GNAQ: variants seen among roughly 807,000 people sequenced by gnomAD.
GNAQ encodes the protein G protein subunit alpha q.
GNAQ carries 8 observed loss-of-function variants against 43.9 expected under a neutral mutation model. The ratio of observed to expected loss-of-function variants is 0.18; its 90% confidence interval spans 0.11 to 0.33. GNAQ has a LOEUF of 0.33. Ranked by LOEUF, GNAQ falls within the 10% of genes least tolerant of loss-of-function variation. The probability of loss-of-function intolerance (pLI) is 1.00; values close to 1 mark genes in which losing one functional copy is unlikely to be tolerated. For missense variants in GNAQ, 158 were observed against 450.8 expected, an observed-to-expected ratio of 0.35 and a Z score of 5.88; for synonymous variants, 155 against 170.7, an observed-to-expected ratio of 0.91 and a Z score of 0.71.
chr9:77,863,934 G>A (rs981110910), intron 2 of GNAQ, among the ~76,000 whole-genome samples: 7 of 152,140 alleles, frequency 4.6e-5, no homozygotes, highest in Non-Finnish European at 1.0e-4. Context: ...CCCACAACAC[G>A]TAGGAATTCA....
chr9:77,722,203 C>T (rs2118193824), intron 6 of GNAQ, among the ~76,000 whole-genome samples: 1 of 151,022 alleles, frequency 6.6e-6, no homozygotes, highest in East Asian at 1.9e-4. Flanking sequence ...GTGATAAGAT[C>T]TCAGCTCACT....
intron 1 of GNAQ, among the ~76,000 whole-genome samples, chr9:78,010,049 T>C (rs570594111): frequency 1.3e-5 from 2 of 152,322 alleles, no homozygotes; most frequent in African/African-American, 4.8e-5. Flanking sequence ...CAAAGATTTC[T>C]AGAGTCACAC....
intron 1 of GNAQ, among the ~76,000 whole-genome samples, chr9:78,004,688 A>T (rs1823684257): frequency 6.6e-6 from 1 of 152,034 alleles, no homozygotes; most frequent in African/African-American, 2.4e-5. Context: ...ACATAAACAA[A>T]CATAAAACGT....
At chr9:77,991,938 T>C (rs1168948239) in intron 1 of GNAQ, among the ~76,000 whole-genome samples, 3 of 152,246 alleles carry the variant, frequency 2.0e-5, no homozygotes, top group Non-Finnish European at 4.4e-5. Context: ...ATGGTGTATA[T>C]ATGCCACATT....
chr9:77,999,620 G>A (rs939980469), intron 1 of GNAQ, among the ~76,000 whole-genome samples: 1 of 152,232 alleles, frequency 6.6e-6, no homozygotes, highest in African/African-American at 2.4e-5. Context: ...ACAAGGGAAA[G>A]ATTCAAGCAA....
chr9:77,932,854 G>C (rs1025200375), intron 1 of GNAQ, among the ~76,000 whole-genome samples: 1 of 151,968 alleles, frequency 6.6e-6, no homozygotes, highest in African/African-American at 2.4e-5. Flanking sequence ...AATTAGTAGG[G>C]TATTCCAACA....
chr9:77,772,422 C>T (rs548483056), intron 5 of GNAQ, among the ~76,000 whole-genome samples: 11 of 152,238 alleles, frequency 7.2e-5, no homozygotes, highest in African/African-American at 2.6e-4. Flanking sequence ...TGCTCCCTGC[C>T]CCCAATCTTC....
At chr9:77,810,207 CATCTATCTATCTATCT>C (rs10578686) in intron 3 of GNAQ, among the ~76,000 whole-genome samples, 5,128 of 144,912 alleles carry the variant, frequency 0.035, 139 homozygotes, top group African/African-American at 0.078. Flanking sequence ...AACTGTCAAT[CATCTATCTATCTATCT>C]ATCTATCTAT....
At chr9:77,939,296 T>C (rs1320669714) in intron 1 of GNAQ, among the ~76,000 whole-genome samples, 1 of 152,220 alleles carries the variant, frequency 6.6e-6, no homozygotes, top group African/African-American at 2.4e-5. Flanking sequence ...CCAAATTCTA[T>C]TAATGCATGC....
intron 5 of GNAQ, among the ~76,000 whole-genome samples, chr9:77,729,503 G>GA (rs533409694): frequency 8.5e-4 from 126 of 147,524 alleles, no homozygotes; most frequent in East Asian, 1.8e-3. Context: ...TCATTCCTCT[G>GA]AAAAAAAAAA....
chr9:77,717,479 A>G lies in GNAQ; in HGVS notation c.*3844T>C, dbSNP rs1229037796. 4.3e-6 allele frequency: 1 copy of G among 232,432 alleles called. No individual in the cohort carries two copies. The highest frequency in any genetic ancestry group is 2.2e-5 in the African/African-American group (1 of 45,330). 14.4% of individuals were successfully genotyped at this position (232,432 alleles called of 1,614,324 possible). On this transcript the variant is annotated 3_prime_UTR_variant, in exon 7 of 7. Coordinates refer to ENST00000286548, the MANE Select transcript of GNAQ (RefSeq NM_002072.5). ...TTTCCAACCAATATGTGAGTCTTGC[A>G]GTATTTCATTATACAGCCCTTTCTT...
chr9:77,771,908 C>CA (rs1353869676), intron 5 of GNAQ, among the ~76,000 whole-genome samples: 2 of 151,164 alleles, frequency 1.3e-5, no homozygotes, highest in Admixed American at 1.3e-4. Context: ...CAATCAAAAA[C>CA]AACAAAAAAA....
At chr9:77,924,372 C>T (rs1284889644) in intron 1 of GNAQ, among the ~76,000 whole-genome samples, 2 of 152,028 alleles carry the variant, frequency 1.3e-5, no homozygotes, top group South Asian at 4.2e-4. Flanking sequence ...AAAAAAAATC[C>T]CGATTGTTTC....
intron 2 of GNAQ, among the ~76,000 whole-genome samples, chr9:77,894,677 T>C (rs1828471732): frequency 6.6e-6 from 1 of 151,348 alleles, no homozygotes; most frequent in African/African-American, 2.4e-5. Context: ...TGCCTCAGCC[T>C]CCCAAAGTGC....
chr9:78,004,301 A>G (rs1190928706), intron 1 of GNAQ, among the ~76,000 whole-genome samples: 1 of 151,746 alleles, frequency 6.6e-6, no homozygotes, highest in African/African-American at 2.4e-5. Flanking sequence ...AAAATTAATT[A>G]AGTTAAATGC....
At chr9:77,783,058 T>C (rs779850470) in intron 5 of GNAQ, among the ~76,000 whole-genome samples, 1 of 152,182 alleles carries the variant, frequency 6.6e-6, no homozygotes, top group Non-Finnish European at 1.5e-5. Flanking sequence ...TACAACACTA[T>C]AATGGTGAAT....
intron 5 of GNAQ, among the ~76,000 whole-genome samples, chr9:77,735,827 A>C (rs1825570248): frequency 6.6e-6 from 1 of 152,190 alleles, no homozygotes; most frequent in Admixed American, 6.5e-5. Flanking sequence ...TAGGGACCTC[A>C]GTGGAAACAT....
chr9:77,944,272 C>T (rs1162577275), intron 1 of GNAQ, among the ~76,000 whole-genome samples: 1 of 151,598 alleles, frequency 6.6e-6, no homozygotes, highest in African/African-American at 2.4e-5. Flanking sequence ...ATAATAAAAG[C>T]ATTTTAGAAT....
chr9:77,946,158 G>A (rs972182522), intron 1 of GNAQ, among the ~76,000 whole-genome samples: 1 of 152,186 alleles, frequency 6.6e-6, no homozygotes, highest in Non-Finnish European at 1.5e-5. Flanking sequence ...CATGCTGCTA[G>A]TGGATACTGC....
Sources: allele counts gnomAD v4.1 joint callset (sites outside exome capture counted in the v4.1 genomes callset), GRCh38; gene constraint gnomAD v4.1.1; transcripts MANE v1.5; gene names NCBI Gene and HGNC (gene_info 2026-07-23, HGNC 2026-07-21).